NSDHL: variants seen among roughly 807,000 people sequenced by gnomAD.
NSDHL encodes sterol-4-alpha-carboxylate 3-dehydrogenase, decarboxylating.
Under a neutral mutation model 23.0 loss-of-function variants are expected in NSDHL, and 1 was observed. The ratio of observed to expected loss-of-function variants is 0.04; its 90% CI spans 0.02 to 0.21. The LOEUF is 0.21. Among genes scored for constraint, NSDHL ranks in the 10% least tolerant of loss-of-function variants. NSDHL has a pLI of 1.00. For missense variants in NSDHL, 237 were observed against 300.9 expected (o/e 0.79, Z 1.57); for synonymous variants, 128 against 121.1 (o/e 1.06, Z -0.37).
At position 152,869,633 on chromosome X, in the gene NSDHL, G is replaced by C. The variant is rs1292469615; in HGVS notation, c.*517G>C. ...CATATACATTTCATACTGACAGTGAGCTTAGAGCAAAAGCTGAAAGCTGAA... is the reference window on the plus strand; with the variant it reads ...CATATACATTTCATACTGACAGTGACCTTAGAGCAAAAGCTGAAAGCTGAA... On this transcript the variant is annotated 3_prime_UTR_variant, in exon 8 of 8. Coordinates refer to ENST00000370274, the MANE Select transcript of NSDHL (RefSeq NM_015922.3). 1 of 131,492 alleles carries C rather than the reference G, an allele frequency of 7.6e-6. No individual in the cohort carries two copies. The highest frequency in any genetic ancestry group is 7.6e-5 in the Admixed American group (1 of 13,189). The allele number at this position is 131,492 out of a possible 1,213,427, so 10.8% of individuals were successfully genotyped here. A position where few individuals can be genotyped will look rare whatever the true frequency, so the allele number is the denominator to read the frequency against.
chrX:152,861,546 G>A (rs782214671), intron 4 of NSDHL, among the ~76,000 whole-genome samples: 1 of 113,082 alleles, frequency 8.8e-6, no homozygotes, highest in South Asian at 3.6e-4. Context: ...CCTTGCTAAA[G>A]CCAGCTGAGA....
At chrX:152,836,352 G>T (rs192097094) in intron 1 of NSDHL, among the ~76,000 whole-genome samples, 2 of 112,147 alleles carry the variant, frequency 1.8e-5, no homozygotes, top group South Asian at 3.7e-4. Flanking sequence ...ATTGCTTCTG[G>T]TGTTTTAGTC....
chrX:152,851,581 G>A (rs868937139), intron 3 of NSDHL, among the ~76,000 whole-genome samples: 4 of 110,930 alleles, frequency 3.6e-5, no homozygotes, highest in African/African-American at 6.6e-5. Flanking sequence ...TTTCTCTCCC[G>A]TGCTGCCCAC....
chrX:152,860,720 A>G (rs1556847441), intron 4 of NSDHL, among the ~76,000 whole-genome samples: 1 of 111,001 alleles, frequency 9.0e-6, no homozygotes, highest in African/African-American at 3.3e-5. Context: ...TCTCTTAAAA[A>G]AAAAATTAAA....
chrX:152,835,223 C>G (rs1215079966), intron 1 of NSDHL, among the ~76,000 whole-genome samples: 1 of 109,890 alleles, frequency 9.1e-6, no homozygotes, highest in Non-Finnish European at 1.9e-5. Context: ...GCCTCCCTTT[C>G]AAGATGTGAT....
At chrX:152,864,284 G>A (rs969234055) in intron 5 of NSDHL, among the ~76,000 whole-genome samples, 16 of 112,401 alleles carry the variant, frequency 1.4e-4, no homozygotes, top group Non-Finnish European at 2.3e-4. Flanking sequence ...CCCAGACCAG[G>A]GGTGGAGGCT....
intron 1 of NSDHL, among the ~76,000 whole-genome samples, chrX:152,835,733 T>G (rs1368714558): frequency 8.9e-6 from 1 of 112,065 alleles, no homozygotes; most frequent in Non-Finnish European, 1.9e-5. Context: ...AAGCCTTTGC[T>G]ATTGTGAATA....
chrX:152,847,867 CTT>C (rs1165079425), intron 2 of NSDHL, among the ~76,000 whole-genome samples: 3 of 100,945 alleles, frequency 3.0e-5, no homozygotes, highest in Non-Finnish European at 2.0e-5. Context: ...GGTTTTTTTT[CTT>C]TTTTTTTTTT....
At chrX:152,852,475 G>T (rs1241414688) in intron 3 of NSDHL, among the ~76,000 whole-genome samples, 7 of 107,678 alleles carry the variant, frequency 6.5e-5, no homozygotes, top group Non-Finnish European at 1.3e-4. Flanking sequence ...CTTAAAGTCA[G>T]CTGGTTGTAG....
At chrX:152,867,238 G>A (rs1464415829) in intron 6 of NSDHL, among the ~76,000 whole-genome samples, 1 of 112,050 alleles carries the variant, frequency 8.9e-6, no homozygotes, top group Non-Finnish European at 1.9e-5. Flanking sequence ...CGGAGGACCA[G>A]AGCAAGGCGT....
intron 1 of NSDHL, among the ~76,000 whole-genome samples, chrX:152,844,996 G>A (rs1164703850): frequency 8.9e-6 from 1 of 112,206 alleles, no homozygotes; most frequent in Non-Finnish European, 1.9e-5. Flanking sequence ...GGGATAAAGG[G>A]AGGGACAGGG....
chrX:152,841,274 C>T (rs1335149242), intron 1 of NSDHL, among the ~76,000 whole-genome samples: 13 of 112,963 alleles, frequency 1.2e-4, no homozygotes, highest in Non-Finnish European at 2.1e-4. Context: ...GGTAAGGCAA[C>T]GCCGTGCCCT....
At chrX:152,855,303 C>T (rs782629394) in intron 3 of NSDHL, among the ~76,000 whole-genome samples, 1 of 111,739 alleles carries the variant, frequency 8.9e-6, no homozygotes, top group South Asian at 3.8e-4. Flanking sequence ...CGCGCCCGGC[C>T]CATGACACTT....
chrX:152,835,512 A>G (rs1398078825), intron 1 of NSDHL, among the ~76,000 whole-genome samples: 1 of 80,842 alleles, frequency 1.2e-5, no homozygotes, highest in Non-Finnish European at 2.2e-5. Flanking sequence ...AAGTGTTCTT[A>G]TTGTTCAGTT....
Position 152,843,118 on chromosome X carries a change from G to C in NSDHL, c.-43-3164G>C, listed in dbSNP as rs187746465. ...GAGATTTTGTTTTGACAAGAGGCTG[G>C]TTTGCAAAGAATTGTGTGATTATTG... On this transcript the variant is annotated intron_variant, in intron 1 of 7. Transcript: ENST00000370274. Among the ~76,000 whole-genome samples, 132 of 112,123 alleles carry C rather than the reference G, an allele frequency of 1.2e-3. 1 individual carries two copies. The highest frequency in any genetic ancestry group is 4.1e-3 in the African/African-American group (127 of 30,854).
chrX:152,867,754 G>T, intron 7 of NSDHL, 81 bp downstream of exon 7: 1 of 717,724 alleles, frequency 1.4e-6, no homozygotes, highest in South Asian at 2.2e-5. Flanking sequence ...CTGGCAAGTT[G>T]CTCCTGTGAT....
chrX:152,836,119 C>T (rs1239022229), intron 1 of NSDHL, among the ~76,000 whole-genome samples: 1 of 112,322 alleles, frequency 8.9e-6, no homozygotes, highest in African/African-American at 3.2e-5. Context: ...AGTGTCTGTT[C>T]ATATCCTTTG....
chrX:152,868,223 C>T (rs1465915653), intron 7 of NSDHL, among the ~76,000 whole-genome samples: 6 of 108,371 alleles, frequency 5.5e-5, no homozygotes, highest in Admixed American at 9.8e-5. Context: ...CTGCAACCTC[C>T]GTCTCACTGG....
chrX:152,845,990 G>A (rs782697337), intron 1 of NSDHL, among the ~76,000 whole-genome samples: 2 of 112,813 alleles, frequency 1.8e-5, no homozygotes, highest in East Asian at 2.8e-4. Context: ...TGCCAAAGAC[G>A]TTTTTTATGT....
Sources: allele counts gnomAD v4.1 joint callset (sites outside exome capture counted in the v4.1 genomes callset), GRCh38; gene constraint gnomAD v4.1.1; transcripts MANE v1.5; gene names NCBI Gene and HGNC (gene_info 2026-07-23, HGNC 2026-07-21).